Variants in SMURF2 observed in about 807,000 individuals in gnomAD.
SMURF2 encodes E3 ubiquitin-protein ligase SMURF2.
SMURF2 carries 48 observed loss-of-function variants against 109.6 expected under a neutral mutation model. That is an observed-to-expected ratio of 0.44 (90% CI 0.35 to 0.56). The LOEUF (loss-of-function observed/expected upper bound fraction) is 0.56. Among genes scored for constraint, SMURF2 ranks in the 20% least tolerant of loss-of-function variants. SMURF2 has a pLI of 0.01. For missense variants in SMURF2, 575 were observed against 909.0 expected, an observed-to-expected ratio of 0.63 and a Z score of 4.72; for synonymous variants, 288 against 317.1, an observed-to-expected ratio of 0.91 and a Z score of 0.97.
rs543189311 is a variant in SMURF2, at chr17:64,607,913, A to ATGAGCCAAGATTGCACCACTGTACTAG, written c.53-1300_53-1274dup. Among the ~76,000 whole-genome samples the ATGAGCCAAGATTGCACCACTGTACTAG allele has an allele frequency of 3.7e-3, 565 of 150,866 alleles. 5 individuals are homozygous for ATGAGCCAAGATTGCACCACTGTACTAG. Among genetic ancestry groups the ATGAGCCAAGATTGCACCACTGTACTAG allele is most frequent in the African/African-American group, 0.013 (541 of 41,010 alleles). On this transcript the variant is annotated intron_variant, in intron 1 of 18. Transcript: ENST00000262435. ...TTGAACCTGGGAGGTGGAGGCTGCA[A>ATGAGCCAAGATTGCACCACTGTACTAG]TGAGCCAAGATTGCACCACTGTACT...
intron 6 of SMURF2, among the ~76,000 whole-genome samples, chr17:64,585,317 C>T (rs1352458017): frequency 6.6e-6 from 1 of 152,136 alleles, no homozygotes; most frequent in Non-Finnish European, 1.5e-5. Context: ...TAACTTCTCT[C>T]TTAGTTTTTG....
At chr17:64,572,270 C>T (rs973489053) in intron 9 of SMURF2, among the ~76,000 whole-genome samples, 2 of 152,130 alleles carry the variant, frequency 1.3e-5, no homozygotes, top group Non-Finnish European at 1.5e-5. Flanking sequence ...TATTTCAACA[C>T]GTGTTTGACA....
At chr17:64,618,963 T>C (rs1040334810) in intron 1 of SMURF2, among the ~76,000 whole-genome samples, 1 of 152,128 alleles carries the variant, frequency 6.6e-6, no homozygotes, top group Non-Finnish European at 1.5e-5. Flanking sequence ...CCCTAAAAAC[T>C]ACTTAACTTC....
At chr17:64,628,014 C>G (rs1246713060) in intron 1 of SMURF2, among the ~76,000 whole-genome samples, 9 of 152,136 alleles carry the variant, frequency 5.9e-5, no homozygotes, top group Admixed American at 5.9e-4. Context: ...TTTGGAAGTC[C>G]CACACAGATC....
intron 1 of SMURF2, among the ~76,000 whole-genome samples, chr17:64,614,800 C>T (rs1555689962): frequency 6.6e-6 from 1 of 152,140 alleles, no homozygotes; most frequent in Non-Finnish European, 1.5e-5. Context: ...TCTGCAGATA[C>T]AAAGAAAAAT....
At chr17:64,599,519 C>T (rs1176217654) in intron 2 of SMURF2, among the ~76,000 whole-genome samples, 2 of 152,154 alleles carry the variant, frequency 1.3e-5, no homozygotes, top group Non-Finnish European at 2.9e-5. Flanking sequence ...GGTACAGGTT[C>T]GTGGCCTGTT....
At chr17:64,595,711 A>G (rs570860044) in intron 3 of SMURF2, among the ~76,000 whole-genome samples, 1 of 152,010 alleles carries the variant, frequency 6.6e-6, no homozygotes, top group South Asian at 2.1e-4. Flanking sequence ...TGCTTCTGAC[A>G]GCCAATTAAT....
intron 1 of SMURF2, 63 bp downstream of exon 1, chr17:64,661,766 A>G: frequency 2.6e-6 from 3 of 1,158,942 alleles, no homozygotes; most frequent in Non-Finnish European, 3.2e-6. Flanking sequence ...CCAAGGCCAC[A>G]GGCACCCCCC....
At chr17:64,629,345 A>T (rs58006129) in intron 1 of SMURF2, among the ~76,000 whole-genome samples, 27,372 of 151,770 alleles carry the variant, frequency 0.18, 4,497 homozygotes, top group African/African-American at 0.43. Context: ...TATAAAAAAA[A>T]TTTTTTTAAT....
intron 1 of SMURF2, among the ~76,000 whole-genome samples, chr17:64,648,058 TAAAAAAAAAAAAAAAAAA>T (rs56131846): frequency 3.4e-4 from 6 of 17,668 alleles, no homozygotes; most frequent in South Asian, 3.9e-3. Flanking sequence ...CCCTATCTCT[TAAAAAAAAAAAAAAAAAA>T]AAAAAAAAAA....
intron 1 of SMURF2, among the ~76,000 whole-genome samples, chr17:64,646,912 T>C (rs1598314611): frequency 6.6e-6 from 1 of 152,182 alleles, no homozygotes; most frequent in African/African-American, 2.4e-5. Context: ...AAGTGGAAGG[T>C]AGAAAATATG....
intron 1 of SMURF2, among the ~76,000 whole-genome samples, chr17:64,657,094 C>T (rs1203597970): frequency 6.6e-6 from 1 of 152,104 alleles, no homozygotes; most frequent in African/African-American, 2.4e-5. Context: ...AGGTCTTAAT[C>T]CATACTCACA....
At chr17:64,604,420 G>T (rs915955271) in intron 2 of SMURF2, among the ~76,000 whole-genome samples, 2 of 152,114 alleles carry the variant, frequency 1.3e-5, no homozygotes, top group Admixed American at 1.3e-4. Flanking sequence ...TAAGGACAAA[G>T]ATCATATAAG....
intron 5 of SMURF2, among the ~76,000 whole-genome samples, chr17:64,588,917 C>G (rs1555687371): frequency 6.6e-6 from 1 of 152,148 alleles, no homozygotes; most frequent in Admixed American, 6.5e-5. Context: ...GCCACTGTGC[C>G]CGGCCCGGGA....
chr17:64,575,590 T>C (rs1969479158), intron 9 of SMURF2, among the ~76,000 whole-genome samples: 1 of 152,148 alleles, frequency 6.6e-6, no homozygotes, highest in East Asian at 1.9e-4. Flanking sequence ...AAGTAAGACA[T>C]TTTCATAATC....
chr17:64,575,412 C>CA (rs1311638488), intron 9 of SMURF2, among the ~76,000 whole-genome samples: 1 of 151,956 alleles, frequency 6.6e-6, no homozygotes, highest in Non-Finnish European at 1.5e-5. Flanking sequence ...CTCAGCCTCC[C>CA]AAAGTGCTGG....
chr17:64,582,778 T>C (rs909371164), intron 7 of SMURF2, among the ~76,000 whole-genome samples: 3 of 152,094 alleles, frequency 2.0e-5, no homozygotes, highest in Non-Finnish European at 4.4e-5. Context: ...TTTGTATTTT[T>C]AGTAGAGATG....
rs1172413184 is a variant in SMURF2, at chr17:64,624,390, C to CTGGAG, written c.53-17751_53-17750insCTCCA. On this transcript the variant is annotated intron_variant, in intron 1 of 18. Transcript: ENST00000262435. ...GCTCTGTCATCCAAACTGGAGTGGA[C>CTGGAG]TGGTGTAATCTCGGCTCACTGCAGC... 2.0e-5 allele frequency among the ~76,000 whole-genome samples: 3 copies of CTGGAG among 148,798 alleles called. No homozygotes were observed. In the East Asian group the frequency reaches 6.1e-4, roughly 30 times the overall value.
intron 8 of SMURF2, among the ~76,000 whole-genome samples, chr17:64,580,106 C>A (rs1180849501): frequency 2.0e-5 from 3 of 152,050 alleles, no homozygotes; most frequent in African/African-American, 7.2e-5. Flanking sequence ...GTTAAGAGGG[C>A]AAAGATGTAA....
Sources: allele counts gnomAD v4.1 joint callset (sites outside exome capture counted in the v4.1 genomes callset), GRCh38; gene constraint gnomAD v4.1.1; transcripts MANE v1.5; gene names NCBI Gene and HGNC (gene_info 2026-07-23, HGNC 2026-07-21).